Variants in IDI1 observed in about 807,000 individuals in gnomAD.
IDI1 encodes the protein isopentenyl-diphosphate delta isomerase 1.
In IDI1, 23 loss-of-function variants were observed where a neutral mutation model predicts 32.9. The ratio of observed to expected loss-of-function variants is 0.70; its 90% confidence interval spans 0.50 to 0.99. The LOEUF (loss-of-function observed/expected upper bound fraction) is 0.99. Among genes scored for constraint, IDI1 ranks in the 50% least tolerant of loss-of-function variants. The pLI is 0.00. For missense variants in IDI1, 326 were observed against 351.9 expected (o/e 0.93, Z 0.59); for synonymous variants, 133 against 128.2 (o/e 1.04, Z -0.25).
chr10:1,053,035 T>G (rs1345763375), upstream of IDI1, among the ~76,000 whole-genome samples: 1 of 152,154 alleles, frequency 6.6e-6, no homozygotes, highest in East Asian at 1.9e-4. Context: ...AGATGGAGTC[T>G]CACTCTGTTA....
intron 1 of IDI1, 128 bp from the exon 2 acceptor site, chr10:1,044,299 A>G: frequency 1.5e-6 from 1 of 653,716 alleles, no homozygotes; most frequent in South Asian, 2.1e-5. Context: ...CAGGGACCCC[A>G]AGAACGCTGC....
rs568740654 is a variant in IDI1 at position 1,039,991 on chromosome 10, T to C, written c.*1196A>G. Reference sequence around the variant, plus strand: ...ATTATAAATTGCCCAAAGTTAACCATAAATGAGTCATTCTATTGAATTTAA... The same window carrying C: ...ATTATAAATTGCCCAAAGTTAACCACAAATGAGTCATTCTATTGAATTTAA... On this transcript the variant is annotated 3_prime_UTR_variant, in exon 5 of 5. Coordinates refer to ENST00000381344, the MANE Select transcript of IDI1 (RefSeq NM_004508.4). 6.6e-6 allele frequency: 1 copy of C among 152,358 alleles called. No homozygotes were observed. Among genetic ancestry groups the C allele is most frequent in the African/African-American group, 2.4e-5 (1 of 41,586 alleles). The allele number at this position is 152,358 out of a possible 1,614,324, so 9.4% of individuals were successfully genotyped here.
intron 1 of IDI1, among the ~76,000 whole-genome samples, chr10:1,046,413 C>A (rs1352835262): frequency 6.6e-6 from 1 of 152,190 alleles, no homozygotes; most frequent in Non-Finnish European, 1.5e-5. Context: ...CACAGTCACA[C>A]ACTGTCCAAA....
At chr10:1,049,190 G>A, upstream of IDI1, 1 of 997,946 alleles carries the variant, frequency 1.0e-6, no homozygotes, top group Non-Finnish European at 1.4e-6. Context: ...CAGAGGCAGC[G>A]TCCCGCGACT....
At chr10:1,041,635 C>G (rs2472531) in intron 4 of IDI1, 131 bp from the exon 5 acceptor site, 1 of 496,396 alleles carries the variant, frequency 2.0e-6, no homozygotes, top group Non-Finnish European at 3.5e-6. Context: ...TTGGTTAAAG[C>G]ATTAATCTCC....
the IDI1 span, chr10:1,056,694 G>A: frequency 1.3e-5 from 2 of 152,326 alleles, no homozygotes; most frequent in African/African-American, 4.8e-5. Context: ...CGGGGCTGCG[G>A]GGCGGAAGCC....
intron 4 of IDI1, among the ~76,000 whole-genome samples, chr10:1,041,965 T>C (rs151174437): frequency 0.042 from 6,409 of 151,590 alleles, 507 homozygotes; most frequent in African/African-American, 0.15. Context: ...CGCCCCACCA[T>C]GCCCAGCTAG....
At chr10:1,045,866 GGTGT>G (rs10598743) in intron 1 of IDI1, among the ~76,000 whole-genome samples, 2,964 of 150,976 alleles carry the variant, frequency 0.02, 63 homozygotes, top group East Asian at 0.054. Flanking sequence ...ATAGGGTCTG[GGTGT>G]GTGTGTGTGT....
upstream of IDI1, among the ~76,000 whole-genome samples, chr10:1,050,070 CA>C (rs1401081368): frequency 6.6e-6 from 1 of 152,178 alleles, no homozygotes; most frequent in Non-Finnish European, 1.5e-5. Flanking sequence ...TGGTGGGCAC[CA>C]GTTCTCAAAC....
chr10:1,041,891 C>T (rs754398736), intron 4 of IDI1, among the ~76,000 whole-genome samples: 3 of 151,444 alleles, frequency 2.0e-5, no homozygotes, highest in Non-Finnish European at 4.4e-5. Flanking sequence ...CTGCAACCTC[C>T]GCCTCCCAGG....
intron 1 of IDI1, chr10:1,048,432 G>T: frequency 7.8e-7 from 1 of 1,290,022 alleles, no homozygotes. Flanking sequence ...TCACACGCGT[G>T]GACTCGGCAC....
chr10:1,048,476 A>G, intron 1 of IDI1: 1 of 1,254,588 alleles, frequency 8.0e-7, no homozygotes. Flanking sequence ...CGTGTTTCTG[A>G]CGATGCTGTC....
rs1227161155 is a variant in IDI1, at chr10:1,041,369, T to A, written c.673A>T (p.Ile225Phe). Residue 225 changes from isoleucine (I) to phenylalanine (F), a missense_variant, in exon 5 of 5, where the codon ATT (isoleucine) becomes TTT (phenylalanine). Physicochemically the swap from Ile to Phe is conservative, Grantham distance 21 (BLOSUM62 0). This residue lies in a region of IDI1 where 205 missense variants were observed against 273.5 expected (regional missense o/e 0.75). Transcript: ENST00000381344. The part of the protein sequence containing the change: ...NVTLNPDPNE[I>F]KSYCYVSKEE... ...TTTGACACATAACAATAGCTTTTAATCTCATTGGGATCTGGATTCAAAGTT... is the reference window on the plus strand; with the variant it reads ...TTTGACACATAACAATAGCTTTTAAACTCATTGGGATCTGGATTCAAAGTT... 2 of 1,613,652 alleles carry A rather than the reference T, an allele frequency of 1.2e-6. No individual in the cohort carries two copies. Among genetic ancestry groups the A allele is most frequent in the African/African-American group, 2.7e-5 (2 of 74,914 alleles).
chr10:1,044,247 A>C (rs1832728634), intron 1 of IDI1, 76 bp from the exon 2 acceptor site: 4 of 1,110,786 alleles, frequency 3.6e-6, no homozygotes, highest in South Asian at 2.9e-5. Flanking sequence ...GTTAATAATG[A>C]TGCTGCTTCC....
At chr10:1,053,346 C>G (rs1368885825), upstream of IDI1, among the ~76,000 whole-genome samples, 1 of 152,182 alleles carries the variant, frequency 6.6e-6, no homozygotes, top group Non-Finnish European at 1.5e-5. Flanking sequence ...TTCCTTCAAC[C>G]TCATGAACCA....
chr10:1,056,220 C>T, the IDI1 span, among the ~76,000 whole-genome samples: 1 of 152,220 alleles, frequency 6.6e-6, no homozygotes, highest in African/African-American at 2.4e-5. Context: ...TTAGCGCTTT[C>T]TGTAGAGCGT....
chr10:1,048,977 T>A lies in IDI1; in HGVS notation c.27A>T (p.Arg9=). The change falls in exon 1 of 5, where the codon CGA becomes CGT. Residue 9 remains arginine, a synonymous_variant. Coordinates refer to ENST00000381344, the MANE Select transcript of IDI1 (RefSeq NM_004508.4). The part of the protein sequence containing the change: MWRGLALA[R]AIGCAARGRG... ...GCCCCCGGGCCGCGCAGCCAATCGC[T>A]CGCGCCAGCGCCAGTCCACGCCACA... The A allele has an allele frequency of 6.5e-7, 1 of 1,536,766 alleles. No homozygotes were observed. Among genetic ancestry groups the A allele is most frequent in the Non-Finnish European group, 8.7e-7 (1 of 1,146,474 alleles).
In IDI1 at chr10:1,041,081, G is replaced by T; in HGVS notation, c.*106C>A. 1 of 690,696 alleles carries T rather than the reference G, an allele frequency of 1.4e-6. No individual in the cohort carries two copies. 42.8% of individuals were successfully genotyped at this position (690,696 alleles called of 1,614,324 possible). ...ACATTAATGATAGTACCAAATGATA[G>T]AACTAAATTTAATGATAAATTAATG... On this transcript the variant is annotated 3_prime_UTR_variant, in exon 5 of 5. Coordinates refer to ENST00000381344, the MANE Select transcript of IDI1 (RefSeq NM_004508.4).
At chr10:1,055,915 T>C in the IDI1 span, among the ~76,000 whole-genome samples, 1 of 152,168 alleles carries the variant, frequency 6.6e-6, no homozygotes, top group Non-Finnish European at 1.5e-5. Context: ...TTCAAGCGAT[T>C]CTCCTGCCTC....
Sources: gnomAD v4.1 joint callset for allele counts (sites outside exome capture counted in the v4.1 genomes callset) on GRCh38, gnomAD v4.1.1 for gene constraint, gnomAD v4.1.1 regional missense constraint, MANE v1.5 for transcripts, NCBI Gene and HGNC (gene_info 2026-07-23, HGNC 2026-07-21) for gene names.